Variants in ZNF333 observed in about 807,000 individuals in gnomAD.
The protein encoded by ZNF333 is zinc finger protein 333.
A neutral mutation model predicts 76.1 loss-of-function variants in ZNF333; 61 were observed. That is an observed-to-expected ratio of 0.80 (90% CI 0.65 to 0.99). The LOEUF (loss-of-function observed/expected upper bound fraction) is 0.99, where lower values mean the gene tolerates loss of function less well. Ranked by LOEUF, ZNF333 falls within the 50% of genes least tolerant of loss-of-function variation. ZNF333 has a pLI of 0.00. For synonymous variants in ZNF333, 284 were observed against 305.0 expected (o/e 0.93, Z 0.72); for missense variants, 717 against 822.4 (o/e 0.87, Z 1.57).
In ZNF333 at chr19:14,719,644, A is replaced by C; in HGVS notation, c.*319A>C. 1 of 1,096,998 alleles carries C rather than the reference A, an allele frequency of 9.1e-7. No individual in the cohort carries two copies. The highest frequency in any genetic ancestry group is 1.6e-5 in the African/African-American group (1 of 60,616). The allele number at this position is 1,096,998 out of a possible 1,614,324, so 68.0% of individuals were successfully genotyped here. A position where few individuals can be genotyped will look rare whatever the true frequency, so the allele number is the denominator to read the frequency against. ...CCCATTCCAGATATAGAATGTTTCT[A>C]TCTCTCTGGAAGGTTCCTGCATGTT... On this transcript the variant is annotated 3_prime_UTR_variant, in exon 12 of 12. Transcript: ENST00000292530.
chr19:14,702,675 A>C (rs1314942432), intron 5 of ZNF333, among the ~76,000 whole-genome samples: 1 of 152,220 alleles, frequency 6.6e-6, no homozygotes, highest in Non-Finnish European at 1.5e-5. Context: ...CCTCTGCTGC[A>C]TCCGCAGGGC....
At chr19:14,703,592 C>G (rs957550273) in intron 5 of ZNF333, among the ~76,000 whole-genome samples, 13 of 152,140 alleles carry the variant, frequency 8.5e-5, no homozygotes, top group African/African-American at 2.9e-4. Context: ...CACACCATGC[C>G]ACACAGGTCC....
Position 14,720,769 on chromosome 19 carries a change from T to C in ZNF333, c.*1444T>C, listed in dbSNP as rs1010753284. 1 of 985,224 alleles carries C rather than the reference T, an allele frequency of 1.0e-6. No homozygotes were observed. The highest frequency in any genetic ancestry group is 1.7e-5 in the African/African-American group (1 of 57,254). The allele number at this position is 985,224 out of a possible 1,614,324, so 61.0% of individuals were successfully genotyped here. ...CAAGCAAATGTGTTTAAAAACCATC[T>C]ACACATTTATAAATGTTGATCTGTG... On this transcript the variant is annotated 3_prime_UTR_variant, in exon 12 of 12. Transcript: ENST00000292530.
In ZNF333 at chr19:14,695,020, C is replaced by T. The variant is rs374973487; in HGVS notation, c.14C>T (p.Thr5Ile). The T allele has an allele frequency of 5.6e-6, 9 of 1,613,968 alleles. No homozygotes were observed. The highest frequency in any genetic ancestry group is 2.7e-5 in the African/African-American group (2 of 74,864). ...TGTGTGCTGTTTTAGGAATCCGTCACCTTTGAGGATGTGGCCGTGGAGTTC... is the reference window on the plus strand; with the variant it reads ...TGTGTGCTGTTTTAGGAATCCGTCATCTTTGAGGATGTGGCCGTGGAGTTC... MESV[T>I]FEDVAVEFIQ... is the part of the protein sequence containing the mutation. Residue 5 changes from threonine (T) to isoleucine (I), a missense_variant, in exon 3 of 12, where the codon ACC becomes ATC. Transcript: ENST00000292530.
At chr19:14,726,003 T>C (rs2042630913), downstream of ZNF333, among the ~76,000 whole-genome samples, 1 of 152,182 alleles carries the variant, frequency 6.6e-6, no homozygotes, top group South Asian at 2.1e-4. Flanking sequence ...TATGCCCCAA[T>C]GTCAGTCTCC....
intron 7 of ZNF333, among the ~76,000 whole-genome samples, chr19:14,711,186 A>C (rs935221056): frequency 6.6e-6 from 1 of 152,202 alleles, no homozygotes; most frequent in African/African-American, 2.4e-5. Context: ...CCAGACTTTC[A>C]GAAGGAAAGC....
intron 7 of ZNF333, among the ~76,000 whole-genome samples, chr19:14,712,895 G>A (rs1270100119): frequency 1.3e-5 from 2 of 151,986 alleles, no homozygotes; most frequent in Admixed American, 1.3e-4. Context: ...TTTTTGGGGG[G>A]TTCACAGTTC....
intron 11 of ZNF333, among the ~76,000 whole-genome samples, chr19:14,730,511 CT>C (rs2042661968): frequency 6.6e-6 from 1 of 151,600 alleles, no homozygotes; most frequent in Non-Finnish European, 1.5e-5. Flanking sequence ...TCTCTATCTC[CT>C]TTCTTTTTCT....
rs537096778 is a variant in ZNF333, at chr19:14,695,015, C to T, written c.9C>T (p.Ser3=). Residue 3 remains serine, a synonymous_variant, in exon 3 of 12, where the codon TCC becomes TCT. Coordinates refer to ENST00000292530, the MANE Select transcript of ZNF333 (RefSeq NM_032433.4). ME[S]VTFEDVAVEF... Reference sequence around the variant, plus strand: ...GAATGTGTGTGCTGTTTTAGGAATCCGTCACCTTTGAGGATGTGGCCGTGG... The same window carrying T: ...GAATGTGTGTGCTGTTTTAGGAATCTGTCACCTTTGAGGATGTGGCCGTGG... 9.2e-5 allele frequency: 148 copies of T among 1,614,092 alleles called. No individual in the cohort carries two copies. Among genetic ancestry groups the T allele is most frequent in the Non-Finnish European group, 1.1e-4 (135 of 1,180,024 alleles).
chr19:14,715,039 GT>G, intron 7 of ZNF333: 1 of 15,442 alleles, frequency 6.5e-5, no homozygotes. Context: ...GAAGGCGTGC[GT>G]GTGTGTGTGT....
At chr19:14,731,377 CG>C (rs767027675) in exon 12 of ZNF333, 7 of 606,312 alleles carry the variant, frequency 1.2e-5, no homozygotes, top group Non-Finnish European at 2.0e-5. Context: ...TTCCGGCTTC[CG>C]GGAGCTTAGT....
chr19:14,718,087 C>T (rs7508386), intron 11 of ZNF333, 141 bp from the exon 12 acceptor site: 2 of 1,188,008 alleles, frequency 1.7e-6, no homozygotes, highest in Non-Finnish European at 2.3e-6. Flanking sequence ...TGAAGGAACT[C>T]TGGATAGAAA....
intron 5 of ZNF333, among the ~76,000 whole-genome samples, chr19:14,703,762 T>G (rs187181733): frequency 6.6e-6 from 1 of 152,052 alleles, no homozygotes; most frequent in African/African-American, 2.4e-5. Flanking sequence ...CCTGGTTGAT[T>G]TAGGGCAGGG....
At position 14,721,280 on chromosome 19, in the gene ZNF333, C is replaced by CTTTTTTTTTTTTTTTTTTTT. The variant is rs56066058; in HGVS notation, c.*1961_*1980dup. 8 of 87,860 alleles carry CTTTTTTTTTTTTTTTTTTTT rather than the reference C, an allele frequency of 9.1e-5. No homozygotes were observed. The highest frequency in any genetic ancestry group is 1.0e-4 in the Non-Finnish European group (5 of 47,638). The allele number at this position is 87,860 out of a possible 1,614,324, so 5.4% of individuals were successfully genotyped here. A position where few individuals can be genotyped will look rare whatever the true frequency, so the allele number is the denominator to read the frequency against. Reference sequence around the variant, plus strand: ...GGACTAGTCTCCATTTTTACTTGTTCTTTTTTTTTTTTTTTTTTTTTTTTT... The same window carrying CTTTTTTTTTTTTTTTTTTTT: ...GGACTAGTCTCCATTTTTACTTGTTCTTTTTTTTTTTTTTTTTTTTTTTTTTTTTTTTTTTTTTTTTTTTT... On this transcript the variant is annotated 3_prime_UTR_variant, in exon 12 of 12. Transcript: ENST00000292530.
At chr19:14,717,599 T>C in intron 10 of ZNF333, 58 bp from the exon 11 acceptor site, 2 of 1,512,660 alleles carry the variant, frequency 1.3e-6, no homozygotes, top group South Asian at 1.1e-5. Context: ...TGAGGTGACC[T>C]TGATCCCACA....
In ZNF333 at chr19:14,705,079, A is replaced by G; in HGVS notation, c.332A>G (p.Gln111Arg). The change falls in exon 6 of 12, where the codon CAG becomes CGG. Residue 111 changes from glutamine to arginine, a missense_variant. Gln to Arg is a conservative substitution (Grantham distance 43). Coordinates refer to ENST00000292530, the MANE Select transcript of ZNF333 (RefSeq NM_032433.4). ...GGGCCGGGGCTGTTCCTGAGGATGC[A>G]GCTGGTGCCCTCCATAGAAGAGAGG... ...QMGPGLFLRM[Q>R]LVPSIEERET... 1.2e-6 allele frequency: 2 copies of G among 1,614,062 alleles called. No individual in the cohort carries two copies. The highest frequency in any genetic ancestry group is 1.1e-5 in the South Asian group (1 of 91,080).
rs548205322 is a variant in ZNF333, at chr19:14,715,144, T to C, written c.512-238T>C. On this transcript the variant is annotated intron_variant, in intron 7 of 11. Transcript: ENST00000292530. The stretch of plus-strand genomic sequence containing the variant: ...GGTGCATGTGGTATGTAACTGTGTA[T>C]ATGTGTGCGTGTTTGTGTGTATATG... The C allele has an allele frequency of 4.8e-4, 234 of 486,362 alleles. 4 individuals carry two copies. Among genetic ancestry groups the C allele is most frequent in the South Asian group, 4.4e-3 (213 of 48,538 alleles). 30.1% of individuals were successfully genotyped at this position (486,362 alleles called of 1,614,324 possible).
intron 11 of ZNF333, among the ~76,000 whole-genome samples, chr19:14,727,517 A>G (rs2042641584): frequency 6.6e-6 from 1 of 152,072 alleles, no homozygotes; most frequent in Admixed American, 6.6e-5. Context: ...CTTTTAAACA[A>G]CCTGATCTGG....
At chr19:14,692,653 C>T (rs1375378983) in intron 1 of ZNF333, among the ~76,000 whole-genome samples, 1 of 152,078 alleles carries the variant, frequency 6.6e-6, no homozygotes, top group Non-Finnish European at 1.5e-5. Context: ...GCTGGGATTA[C>T]AGGTGTGTGC....
Sources: gnomAD v4.1 joint callset for allele counts (sites outside exome capture counted in the v4.1 genomes callset) on GRCh38, gnomAD v4.1.1 for gene constraint, MANE v1.5 for transcripts, NCBI Gene and HGNC (gene_info 2026-07-23, HGNC 2026-07-21) for gene names.